The following SPEF2 variants were observed in gnomAD, a reference collection of about 807,000 sequenced individuals.
The protein encoded by SPEF2 is sperm flagella and cilia-associated protein 2.
A neutral mutation model predicts 224.6 loss-of-function variants in SPEF2; 187 were observed. The ratio of observed to expected loss-of-function variants is 0.83; its 90% CI spans 0.74 to 0.94. The LOEUF (loss-of-function observed/expected upper bound fraction) is 0.94, where lower values mean the gene tolerates loss of function less well. SPEF2 is among the 40% of genes least tolerant of loss of function. SPEF2 has a pLI of 0.00. For missense variants in SPEF2, 2,170 were observed against 2,135.6 expected (o/e 1.02, Z -0.32); for synonymous variants, 715 against 707.3 (o/e 1.01, Z -0.17).
In SPEF2 at chr5:35,771,483, G is replaced by A. The variant is rs1477271810; in HGVS notation, c.3802-126G>A. Reference sequence around the variant, plus strand: ...TGGTGGGGTGTGTTTTGTAAAGTTCGAGTACGTGGGCACAATTGTTTACAG... The same window carrying A: ...TGGTGGGGTGTGTTTTGTAAAGTTCAAGTACGTGGGCACAATTGTTTACAG... On this transcript the variant is annotated intron_variant, in intron 26 of 36. Transcript: ENST00000356031. The A allele has an allele frequency of 9.8e-6, 12 of 1,230,174 alleles. No individual in the cohort carries two copies. In the Admixed American group the frequency reaches 1.9e-4, roughly 19 times the overall value. 76.2% of individuals were successfully genotyped at this position (1,230,174 alleles called of 1,614,324 possible).
chr5:35,706,896 T>C (rs1485310562), intron 18 of SPEF2, among the ~76,000 whole-genome samples: 1 of 152,064 alleles, frequency 6.6e-6, no homozygotes, highest in Non-Finnish European at 1.5e-5. Flanking sequence ...TCTTACAGAG[T>C]CTTGGTTGGG....
chr5:35,746,495 C>G (rs1425275669), intron 23 of SPEF2, among the ~76,000 whole-genome samples: 1 of 152,068 alleles, frequency 6.6e-6, no homozygotes, highest in Non-Finnish European at 1.5e-5. Flanking sequence ...ATTCAGGAAA[C>G]TTTGTAGACA....
chr5:35,788,664 T>C, intron 30 of SPEF2: 1 of 702,930 alleles, frequency 1.4e-6, no homozygotes, highest in South Asian at 1.5e-5. Flanking sequence ...AAGAAGCTGG[T>C]TGGTTTTGGA....
chr5:35,814,593 T>A lies in SPEF2; in HGVS notation c.*40T>A, dbSNP rs1561402067. The A allele has an allele frequency of 7.4e-7, 1 of 1,351,286 alleles. No homozygotes were observed. The highest frequency in any genetic ancestry group is 2.4e-5 in the East Asian group (1 of 42,450). 83.7% of individuals were successfully genotyped at this position (1,351,286 alleles called of 1,614,324 possible). On this transcript the variant is annotated 3_prime_UTR_variant, in exon 37 of 37. Coordinates refer to ENST00000356031, the MANE Select transcript of SPEF2 (RefSeq NM_024867.4). Reference sequence around the variant, plus strand: ...GATTTTTTTAATTCTGCAATAAATCTTCCAAAAATTAAATGTGACCATGGT... The same window carrying A: ...GATTTTTTTAATTCTGCAATAAATCATCCAAAAATTAAATGTGACCATGGT...
intron 21 of SPEF2, among the ~76,000 whole-genome samples, chr5:35,736,111 C>G (rs959123786): frequency 2.6e-4 from 40 of 152,274 alleles, no homozygotes; most frequent in African/African-American, 9.1e-4. Context: ...ATTAAGACAC[C>G]TTTGTAGGAG....
At chr5:35,684,098 TAGATA>T (rs1236107399) in intron 10 of SPEF2, 1 of 152,156 alleles carries the variant, frequency 6.6e-6, no homozygotes, top group East Asian at 1.9e-4. Context: ...CATATCTACA[TAGATA>T]ATAAATATGT....
At chr5:35,745,334 G>A (rs558825836) in intron 23 of SPEF2, among the ~76,000 whole-genome samples, 3 of 152,230 alleles carry the variant, frequency 2.0e-5, no homozygotes, top group African/African-American at 7.2e-5. Flanking sequence ...AGAGCTCGGG[G>A]GAGGGTGCAC....
chr5:35,763,391 T>A (rs1467640295), intron 25 of SPEF2, 131 bp from the exon 26 acceptor site: 3 of 864,822 alleles, frequency 3.5e-6, no homozygotes, highest in Non-Finnish European at 5.0e-6. Flanking sequence ...TCCATTAAAA[T>A]AATTCTTTCA....
intron 20 of SPEF2, among the ~76,000 whole-genome samples, chr5:35,713,115 A>C (rs1370717922): frequency 6.6e-6 from 1 of 152,168 alleles, no homozygotes; most frequent in Non-Finnish European, 1.5e-5. Flanking sequence ...ACAATATCTA[A>C]TATACAGAAT....
intron 33 of SPEF2, among the ~76,000 whole-genome samples, chr5:35,798,754 C>A (rs897097707): frequency 6.6e-6 from 1 of 151,998 alleles, no homozygotes; most frequent in African/African-American, 2.4e-5. Context: ...CCACCAGACC[C>A]GGCTAATTTT....
chr5:35,661,520 C>T (rs547880535), intron 8 of SPEF2, among the ~76,000 whole-genome samples: 7 of 151,594 alleles, frequency 4.6e-5, no homozygotes, highest in East Asian at 1.9e-4. Flanking sequence ...TATTTCATCA[C>T]CCAGGTATTA....
intron 34 of SPEF2, among the ~76,000 whole-genome samples, chr5:35,804,957 T>C (rs1055905901): frequency 3.3e-5 from 5 of 152,176 alleles, no homozygotes; most frequent in South Asian, 2.1e-4. Flanking sequence ...CTCAGAAAGA[T>C]GTTTTACATC....
At chr5:35,808,465 G>T (rs1433108823) in intron 36 of SPEF2, among the ~76,000 whole-genome samples, 1 of 151,690 alleles carries the variant, frequency 6.6e-6, no homozygotes, top group Non-Finnish European at 1.5e-5. Flanking sequence ...GGTTCTCATT[G>T]TTCAATTCCC....
chr5:35,649,409 C>T lies in SPEF2; in HGVS notation c.775C>T (p.Leu259Phe), dbSNP rs1274312385. Residue 259 changes from leucine (L) to phenylalanine (F), a missense_variant, in exon 6 of 37, where the codon CTC becomes TTC. Transcript: ENST00000356031. ...KKFEALIKKD[L>F]QAKESASKTS... ...GTTCGAAGCATTAATAAAAAAGGATCTCCAAGCAAAAGAAAGGTGAGATGT... is the reference window on the plus strand; with the variant it reads ...GTTCGAAGCATTAATAAAAAAGGATTTCCAAGCAAAAGAAAGGTGAGATGT... The T allele has an allele frequency of 1.5e-5, 24 of 1,611,270 alleles. No homozygotes were observed. Among genetic ancestry groups the T allele is most frequent in the Non-Finnish European group, 2.0e-5 (23 of 1,178,924 alleles).
At chr5:35,667,659 C>T (rs962888861) in intron 9 of SPEF2, among the ~76,000 whole-genome samples, 12 of 152,060 alleles carry the variant, frequency 7.9e-5, no homozygotes, top group Admixed American at 2.0e-4. Flanking sequence ...AATTTTTGCT[C>T]TGCAAAAGAC....
At chr5:35,734,265 A>G (rs1444475646) in intron 21 of SPEF2, among the ~76,000 whole-genome samples, 1 of 152,176 alleles carries the variant, frequency 6.6e-6, no homozygotes, top group East Asian at 1.9e-4. Flanking sequence ...ACTAGCCTGC[A>G]TTCTCTCCGT....
At position 35,759,838 on chromosome 5, in the gene SPEF2, G is replaced by T. The variant is rs1442867323; in HGVS notation, c.3620+119G>T. On this transcript the variant is annotated intron_variant, in intron 25 of 36. Coordinates refer to ENST00000356031, the MANE Select transcript of SPEF2 (RefSeq NM_024867.4). ...ATCTGCAAATCTAAGATCCAAAAAA[G>T]CTCTAATAACCAAACATGTTTTTTT... is the stretch of plus-strand genomic sequence containing the variant. The T allele has an allele frequency of 7.7e-6, 8 of 1,035,448 alleles. No individual in the cohort carries two copies. In the East Asian group the frequency reaches 1.4e-4, roughly 18 times the overall value. 64.1% of individuals were successfully genotyped at this position (1,035,448 alleles called of 1,614,324 possible).
At position 35,793,253 on chromosome 5, in the gene SPEF2, T is replaced by C. The variant is rs1191540847; in HGVS notation, c.4649T>C (p.Leu1550Ser). The change falls in exon 32 of 37, where the codon TTG becomes TCG. Residue 1550 changes from leucine to serine, a missense_variant. Transcript: ENST00000356031. ...ACCTCAATGCCTTGGCCCATTCCCT[T>C]GGAGGAGGAGCTCCTTGAGACCCTT... ...LVTSMPWPIP[L>S]EEELLETLQK... 4 of 1,614,190 alleles carry C rather than the reference T, an allele frequency of 2.5e-6. No individual in the cohort carries two copies. In the Admixed American group the frequency reaches 6.7e-5, roughly 27 times the overall value.
intron 8 of SPEF2, among the ~76,000 whole-genome samples, chr5:35,661,261 TATATATA>T: frequency 1.1e-4 from 1 of 9,512 alleles, no homozygotes; most frequent in African/African-American, 8.7e-4. Flanking sequence ...ATATTATATA[TATATATA>T]TATATATATA....
Sources: gnomAD v4.1 joint callset for allele counts (sites outside exome capture counted in the v4.1 genomes callset) on GRCh38, gnomAD v4.1.1 for gene constraint, MANE v1.5 for transcripts, NCBI Gene and HGNC (gene_info 2026-07-23, HGNC 2026-07-21) for gene names.